The following EDARADD variants were observed in gnomAD, a reference collection of about 807,000 sequenced individuals.
EDARADD encodes EDAR associated via death domain, also known as ectodysplasin-A receptor-associated adapter protein.
Under a neutral mutation model 25.6 loss-of-function variants are expected in EDARADD, and 20 were observed. The observed-to-expected ratio is 0.78, with a 90% CI of 0.55 to 1.14. The LOEUF (loss-of-function observed/expected upper bound fraction) is 1.14. Ranked by LOEUF, EDARADD falls within the 50% of genes most tolerant of loss-of-function variation. EDARADD has a pLI of 0.00. For missense variants in EDARADD, 225 were observed against 270.1 expected, an observed-to-expected ratio of 0.83 and a Z score of 1.17; for synonymous variants, 86 against 94.4, an observed-to-expected ratio of 0.91 and a Z score of 0.52.
intron 4 of EDARADD, among the ~76,000 whole-genome samples, chr1:236,445,589 G>A (rs879502767): frequency 6.6e-6 from 1 of 152,162 alleles, no homozygotes; most frequent in Admixed American, 6.5e-5. Context: ...GGAAGGAGGA[G>A]CACACTACAG....
Position 236,445,292 on chromosome 1 carries a change from ATCTCAGC to A in EDARADD, c.219+17845_219+17851del, listed in dbSNP as rs1363651095. ...ACCCAGGCTGGAGTGCAGTGGTGCA[ATCTCAGC>A]TCACTGCAACCTCCGCCTCCCAGGT... On this transcript the variant is annotated intron_variant, in intron 4 of 5. Transcript: ENST00000334232. Among the ~76,000 whole-genome samples, 28 of 132,076 alleles carry A rather than the reference ATCTCAGC, an allele frequency of 2.1e-4. No homozygotes were observed. The East Asian group carries it at 6.0e-3, about 28-fold the overall frequency. The allele number at this position is 132,076 out of a possible 152,430, so 86.6% of individuals were successfully genotyped here.
intron 3 of EDARADD, among the ~76,000 whole-genome samples, chr1:236,421,855 ACAG>A (rs1657794785): frequency 6.6e-6 from 1 of 152,146 alleles, no homozygotes. Flanking sequence ...GTCTTATACA[ACAG>A]TTCACCCCTA....
intron 3 of EDARADD, among the ~76,000 whole-genome samples, chr1:236,419,554 G>A (rs1657727049): frequency 6.6e-6 from 1 of 152,196 alleles, no homozygotes; most frequent in Non-Finnish European, 1.5e-5. Flanking sequence ...TGACACTTCA[G>A]TGTGCATCAG....
At chr1:236,362,987 G>GA (rs577963160) in intron 3 of EDARADD, among the ~76,000 whole-genome samples, 8,101 of 29,594 alleles carry the variant, frequency 0.27, 1,917 homozygotes, top group Non-Finnish European at 0.34. Context: ...CTTTTTTTAA[G>GA]AAAAAAAAAA....
chr1:236,459,681 C>T (rs1425176193), intron 4 of EDARADD, among the ~76,000 whole-genome samples: 10 of 141,746 alleles, frequency 7.1e-5, no homozygotes, highest in African/African-American at 1.3e-4. Flanking sequence ...GGTGCCATCT[C>T]GGCTCACTGC....
At chr1:236,481,083 C>T (rs1659658214) in intron 5 of EDARADD, among the ~76,000 whole-genome samples, 1 of 152,194 alleles carries the variant, frequency 6.6e-6, no homozygotes, top group South Asian at 2.1e-4. Flanking sequence ...AGTTAAGATT[C>T]CTGGCACTAT....
intron 3 of EDARADD, among the ~76,000 whole-genome samples, chr1:236,371,875 G>C (rs1223923677): frequency 6.6e-6 from 1 of 150,870 alleles, no homozygotes; most frequent in Non-Finnish European, 1.5e-5. Flanking sequence ...CCCAGTCGTA[G>C]ATGTTCTTTA....
At chr1:236,392,126 G>A (rs1667433451), upstream of EDARADD, among the ~76,000 whole-genome samples, 1 of 152,168 alleles carries the variant, frequency 6.6e-6, no homozygotes, top group African/African-American at 2.4e-5. Flanking sequence ...GGGAGGGGGT[G>A]AGATTTTTAA....
At chr1:236,371,897 A>T (rs1451752291) in intron 3 of EDARADD, among the ~76,000 whole-genome samples, 1 of 151,480 alleles carries the variant, frequency 6.6e-6, no homozygotes, top group African/African-American at 2.4e-5. Context: ...GAAGTTGAGG[A>T]AAGTTTTGCT....
At chr1:236,471,061 A>T (rs896028862) in intron 5 of EDARADD, among the ~76,000 whole-genome samples, 1 of 152,130 alleles carries the variant, frequency 6.6e-6, no homozygotes, top group African/African-American at 2.4e-5. Flanking sequence ...GTCCTTTTGT[A>T]TGTGAGAGTT....
chr1:236,429,465 C>T (rs577692114), intron 4 of EDARADD, among the ~76,000 whole-genome samples: 22 of 152,070 alleles, frequency 1.4e-4, no homozygotes, highest in African/African-American at 5.3e-4. Context: ...GCAAGCTCCA[C>T]CTCCCAGGTT....
intron 1 of EDARADD, among the ~76,000 whole-genome samples, chr1:236,400,465 G>A (rs961807165): frequency 6.6e-6 from 1 of 152,094 alleles, no homozygotes; most frequent in Admixed American, 6.6e-5. Context: ...AAAAGACAGA[G>A]GAAGCTCAAT....
intron 3 of EDARADD, among the ~76,000 whole-genome samples, chr1:236,386,932 C>T (rs1667362036): frequency 1.6e-5 from 1 of 62,072 alleles, no homozygotes; most frequent in African/African-American, 5.5e-5. Context: ...GGGGGGTCAG[C>T]CCCCCGCCCG....
chr1:236,400,716 G>C (rs1377929559), intron 1 of EDARADD, among the ~76,000 whole-genome samples: 1 of 114,894 alleles, frequency 8.7e-6, no homozygotes. Context: ...CACCACACCC[G>C]GCTATTTTTT....
chr1:236,383,528 T>C (rs1667323565), intron 3 of EDARADD, among the ~76,000 whole-genome samples: 1 of 152,172 alleles, frequency 6.6e-6, no homozygotes, highest in Admixed American at 6.5e-5. Flanking sequence ...ATATATTTTG[T>C]CTGGGTTTTT....
chr1:236,458,125 G>T (rs1360320010), intron 4 of EDARADD, among the ~76,000 whole-genome samples: 1 of 152,190 alleles, frequency 6.6e-6, no homozygotes, highest in South Asian at 2.1e-4. Context: ...CAACTTTATG[G>T]AAAATTAATT....
At chr1:236,363,034 A>ATAT (rs1553262251) in intron 3 of EDARADD, among the ~76,000 whole-genome samples, 6 of 84,364 alleles carry the variant, frequency 7.1e-5, no homozygotes, top group South Asian at 4.0e-4. Context: ...TATATATATA[A>ATAT]AATTTGTGTA....
At chr1:236,388,410 T>C (rs1407509401) in intron 3 of EDARADD, among the ~76,000 whole-genome samples, 1 of 152,222 alleles carries the variant, frequency 6.6e-6, no homozygotes, top group Non-Finnish European at 1.5e-5. Flanking sequence ...ATCAGTTTTA[T>C]GTTCCAAGAA....
At chr1:236,479,087 G>A (rs1659593449) in intron 5 of EDARADD, among the ~76,000 whole-genome samples, 1 of 152,040 alleles carries the variant, frequency 6.6e-6, no homozygotes, top group South Asian at 2.1e-4. Context: ...GGTGATGGGT[G>A]CACCAAAATC....
Sources: allele counts gnomAD v4.1 joint callset (sites outside exome capture counted in the v4.1 genomes callset), GRCh38; gene constraint gnomAD v4.1.1; transcripts MANE v1.5; gene names NCBI Gene and HGNC (gene_info 2026-07-23, HGNC 2026-07-21).